Variants in FBXL19 observed in about 807,000 individuals in gnomAD.
FBXL19 encodes F-box/LRR-repeat protein 19.
Under a neutral mutation model 71.2 loss-of-function variants are expected in FBXL19, and 16 were observed. The ratio of observed to expected loss-of-function variants is 0.22; its 90% CI spans 0.15 to 0.34. The LOEUF is 0.34. Among genes scored for constraint, FBXL19 ranks in the 10% least tolerant of loss-of-function variants. The probability of loss-of-function intolerance (pLI) is 1.00; values close to 1 mark genes in which losing one functional copy is unlikely to be tolerated. For missense variants in FBXL19, 658 were observed against 968.2 expected, an observed-to-expected ratio of 0.68 and a Z score of 4.25; for synonymous variants, 447 against 409.4, an observed-to-expected ratio of 1.09 and a Z score of -1.11.
At chr16:30,928,098 C>A in intron 5 of FBXL19, 135 bp downstream of exon 5, 1 of 608,784 alleles carries the variant, frequency 1.6e-6, no homozygotes, top group Non-Finnish European at 2.7e-6. Flanking sequence ...AGATGTAGTT[C>A]AGGAGTTGGG....
chr16:30,936,617 T>TG (rs1053049711), intron 7 of FBXL19, among the ~76,000 whole-genome samples: 4 of 148,444 alleles, frequency 2.7e-5, no homozygotes, highest in African/African-American at 1.0e-4. Flanking sequence ...TTTTTTTTTT[T>TG]TTTGTTTTTT....
intron 2 of FBXL19, among the ~76,000 whole-genome samples, 181 bp downstream of exon 2, chr16:30,926,112 T>C (rs1472921136): frequency 6.6e-6 from 1 of 152,204 alleles, no homozygotes; most frequent in Non-Finnish European, 1.5e-5. Context: ...CTGGGGGCAG[T>C]GTCCAGGTGC....
intron 9 of FBXL19, among the ~76,000 whole-genome samples, chr16:30,943,870 C>T (rs1432187685): frequency 6.6e-6 from 1 of 152,168 alleles, no homozygotes; most frequent in East Asian, 1.9e-4. Context: ...CCACCATGCC[C>T]CCTCCACAAC....
chr16:30,927,884 C>G lies in FBXL19; in HGVS notation c.548C>G (p.Pro183Arg), dbSNP rs763328879. ...CGCAAGGGCCCCCTGCCTGCCGGGC[C>G]CCCCCCGGAGGACGTGCCTGGGCCC... ...PRRKGPLPAG[P>R]PPEDVPGPPK... Residue 183 changes from proline to arginine, a missense_variant, in exon 5 of 11, where the codon CCC becomes CGC. Pro to Arg is a moderately radical substitution (Grantham distance 103). Around this residue, in one of 8 missense-constraint regions of FBXL19, gnomAD observed 447 missense variants for 515.4 expected, o/e 0.87. Coordinates refer to ENST00000338343, the MANE Select transcript of FBXL19 (RefSeq NM_001382779.1). The G allele has an allele frequency of 2.6e-6, 4 of 1,529,348 alleles. No homozygotes were observed. The African/African-American group carries it at 4.2e-5, about 16-fold the overall frequency. 94.7% of individuals were successfully genotyped at this position (1,529,348 alleles called of 1,614,324 possible).
At chr16:30,924,907 G>C (rs918194663) in intron 1 of FBXL19, 2 of 573,404 alleles carry the variant, frequency 3.5e-6, no homozygotes, top group Non-Finnish European at 5.6e-6. Context: ...GGGGGTCCTA[G>C]GACTGAGCCC....
intron 7 of FBXL19, among the ~76,000 whole-genome samples, chr16:30,940,979 T>TA (rs1266510329): frequency 6.6e-6 from 1 of 152,080 alleles, no homozygotes; most frequent in Non-Finnish European, 1.5e-5. Flanking sequence ...CACTGCATGT[T>TA]AGATAGTCTG....
At chr16:30,940,268 A>G (rs1356972444) in intron 7 of FBXL19, among the ~76,000 whole-genome samples, 1 of 151,858 alleles carries the variant, frequency 6.6e-6, no homozygotes, top group Non-Finnish European at 1.5e-5. Flanking sequence ...CAAAAAAAAA[A>G]AAAAAGTCAG....
rs1238488358 is a variant in FBXL19 at position 30,947,077 on chromosome 16, C to T, written c.1872C>T (p.Cys624=). ...LAGCHRLTDH[C]LPLFRRCPRL... is the part of the protein sequence containing the mutation. ...GTTGCCACCGCCTAACGGACCACTGCCTCCCGCTGTTCCGCCGCTGCCCTC... is the reference window on the plus strand; with the variant it reads ...GTTGCCACCGCCTAACGGACCACTGTCTCCCGCTGTTCCGCCGCTGCCCTC... Residue 624 remains cysteine, a synonymous_variant, in exon 11 of 11, where the codon TGC becomes TGT. Transcript: ENST00000338343. The T allele has an allele frequency of 1.9e-6, 3 of 1,596,036 alleles. No individual in the cohort carries two copies.
chr16:30,924,720 C>A, intron 1 of FBXL19: 1 of 1,499,274 alleles, frequency 6.7e-7, no homozygotes. Flanking sequence ...TGGAGGGCCC[C>A]TTAGCCCCAT....
At chr16:30,941,354 C>T (rs1443087695) in intron 7 of FBXL19, among the ~76,000 whole-genome samples, 1 of 152,110 alleles carries the variant, frequency 6.6e-6, no homozygotes, top group Non-Finnish European at 1.5e-5. Flanking sequence ...GTGACATGTG[C>T]CTGTGGTCCC....
intron 2 of FBXL19, among the ~76,000 whole-genome samples, chr16:30,926,893 G>A (rs980776165): frequency 6.6e-6 from 1 of 152,154 alleles, no homozygotes; most frequent in Non-Finnish European, 1.5e-5. Context: ...CCCTTGGGCT[G>A]CTCATGGAGC....
rs1003422814 is a variant in FBXL19, at chr16:30,945,866, A to G, written c.1628-864A>G. Among the ~76,000 whole-genome samples the G allele has an allele frequency of 8.7e-5, 12 of 138,602 alleles. No individual in the cohort carries two copies. The South Asian group carries it at 2.3e-3, about 26-fold the overall frequency. 90.9% of individuals were successfully genotyped at this position (138,602 alleles called of 152,430 possible). On this transcript the variant is annotated intron_variant, in intron 9 of 10. Transcript: ENST00000338343. ...GTCTCGGGGAAAAAAAAAAAAAAAA[A>G]AAAAAAAGGAAAACGTATGTATGTC... is the stretch of plus-strand genomic sequence containing the variant.
intron 9 of FBXL19, among the ~76,000 whole-genome samples, chr16:30,945,859 A>G (rs1046446137): frequency 1.1e-5 from 1 of 93,950 alleles, no homozygotes; most frequent in South Asian, 1.5e-3. Context: ...GAAAAAAAAA[A>G]AAAAAAAAAA....
At chr16:30,940,291 G>A (rs1198847628) in intron 7 of FBXL19, among the ~76,000 whole-genome samples, 1 of 151,356 alleles carries the variant, frequency 6.6e-6, no homozygotes, top group Non-Finnish European at 1.5e-5. Context: ...GTGGTGGCAT[G>A]TGCCTGTAGT....
Position 30,927,932 on chromosome 16 carries a change from C to G in FBXL19, c.596C>G (p.Ala199Gly). The change falls in exon 5 of 11, where the codon GCA (alanine) becomes GGA (glycine). Residue 199 changes from alanine to glycine, a missense_variant. Transcript: ENST00000338343. ...PGPPKRKERE[A>G]GNEPPTPRKK... ...CCCCCCAAACGAAAGGAAAGGGAGG[C>G]AGGGAATGAGCCTCCCACCCCAAGG... The G allele has an allele frequency of 6.5e-7, 1 of 1,539,456 alleles. No individual in the cohort carries two copies. The highest frequency in any genetic ancestry group is 8.7e-7 in the Non-Finnish European group (1 of 1,150,858).
In FBXL19 at chr16:30,925,152, G is replaced by A. The variant is rs2055575837; in HGVS notation, c.-24-579G>A. On this transcript the variant is annotated intron_variant, in intron 1 of 10. Coordinates refer to ENST00000338343, the MANE Select transcript of FBXL19 (RefSeq NM_001382779.1). This position sits in a 1 kb window ranked among gnomAD's most constrained non-coding sequence, Gnocchi z 5.0. Reference sequence around the variant, plus strand: ...GAGATCGTTAGGGACTTGGGGGCAAGGATCTCGCTGGATCTGGTGAGGATA... The same window carrying A: ...GAGATCGTTAGGGACTTGGGGGCAAAGATCTCGCTGGATCTGGTGAGGATA... Among the ~76,000 whole-genome samples the A allele has an allele frequency of 6.6e-6, 1 of 152,096 alleles. No homozygotes were observed. Among genetic ancestry groups the A allele is most frequent in the African/African-American group, 2.4e-5 (1 of 41,410 alleles).
chr16:30,939,359 CT>C (rs1297485476), intron 7 of FBXL19, among the ~76,000 whole-genome samples: 2 of 150,548 alleles, frequency 1.3e-5, no homozygotes, highest in South Asian at 4.2e-4. Flanking sequence ...CACACTTGGA[CT>C]TTTGTGTTTA....
intron 9 of FBXL19, among the ~76,000 whole-genome samples, chr16:30,945,902 A>T (rs2143395705): frequency 6.6e-6 from 1 of 151,466 alleles, no homozygotes; most frequent in Non-Finnish European, 1.5e-5. Flanking sequence ...AGAAAAATGC[A>T]TATAATATGT....
At chr16:30,924,682 C>G in intron 1 of FBXL19, 1 of 1,463,052 alleles carries the variant, frequency 6.8e-7, no homozygotes, top group Non-Finnish European at 9.0e-7. Flanking sequence ...CTGCAGTCGC[C>G]GCCCTCCAGG....
Sources: allele counts gnomAD v4.1 joint callset (sites outside exome capture counted in the v4.1 genomes callset), GRCh38; gene constraint gnomAD v4.1.1; regional missense constraint gnomAD v4.1.1; non-coding constraint Gnocchi (gnomAD v3.1); transcripts MANE v1.5; gene names NCBI Gene and HGNC (gene_info 2026-07-23, HGNC 2026-07-21).